Variants in CSMD1 observed in about 807,000 individuals in gnomAD.
CSMD1 encodes the protein CUB and Sushi multiple domains 1.
CSMD1 carries 213 observed loss-of-function variants against 417.5 expected under a neutral mutation model. That is an observed-to-expected ratio of 0.51 (90% CI 0.46 to 0.57). CSMD1 has a LOEUF of 0.57. CSMD1 is among the 20% of genes least tolerant of loss of function. The pLI, the probability that CSMD1 is intolerant of heterozygous loss-of-function variation, is 0.00. For missense variants in CSMD1, 6,923 were observed against 4,529.7 expected (o/e 1.53, Z -15.17); for synonymous variants, 2,862 against 1,736.8 (o/e 1.65, Z -16.11).
intron 12 of CSMD1, among the ~76,000 whole-genome samples, chr8:3,459,707 A>C (rs1333929096): frequency 6.6e-6 from 1 of 152,104 alleles, no homozygotes; most frequent in Admixed American, 6.5e-5. Context: ...TTGGGTTCCG[A>C]AAGGTCATCA....
chr8:3,265,115 G>T (rs1801340524), intron 26 of CSMD1, among the ~76,000 whole-genome samples: 1 of 152,062 alleles, frequency 6.6e-6, no homozygotes, highest in African/African-American at 2.4e-5. Flanking sequence ...ACCATGTTAA[G>T]GATTGTCACT....
At chr8:3,207,574 T>A (rs774140417) in intron 30 of CSMD1, among the ~76,000 whole-genome samples, 33 of 152,266 alleles carry the variant, frequency 2.2e-4, no homozygotes, top group Non-Finnish European at 2.9e-5. Flanking sequence ...TTAAGCTCCT[T>A]AGAATATGGT....
intron 40 of CSMD1, among the ~76,000 whole-genome samples, chr8:3,146,336 G>A (rs1479753301): frequency 6.6e-6 from 1 of 152,064 alleles, no homozygotes; most frequent in African/African-American, 2.4e-5. Flanking sequence ...CTGTGAAAAG[G>A]AAAGAAAATG....
At chr8:4,753,789 G>A (rs1056258993) in intron 1 of CSMD1, among the ~76,000 whole-genome samples, 2 of 152,086 alleles carry the variant, frequency 1.3e-5, no homozygotes, top group South Asian at 2.1e-4. Context: ...CCCCACCACT[G>A]CCTCCTCCTT....
intron 5 of CSMD1, chr8:3,949,864 C>T (rs979179693): frequency 1.8e-5 from 8 of 455,198 alleles, no homozygotes; most frequent in African/African-American, 1.6e-4. Context: ...GGGACATGGC[C>T]TCCTCATTCA....
chr8:4,717,673 G>T (rs1215700011), intron 1 of CSMD1, among the ~76,000 whole-genome samples: 5 of 151,916 alleles, frequency 3.3e-5, no homozygotes, highest in Non-Finnish European at 5.9e-5. Flanking sequence ...GGAATTTACA[G>T]AACTGTGATT....
At chr8:3,612,906 A>G (rs1397024933) in intron 8 of CSMD1, among the ~76,000 whole-genome samples, 1 of 152,092 alleles carries the variant, frequency 6.6e-6, no homozygotes, top group East Asian at 1.9e-4. Context: ...TAGTAAACAG[A>G]GGAAATAAAT....
At chr8:3,708,779 G>C (rs1330217815) in intron 6 of CSMD1, among the ~76,000 whole-genome samples, 1 of 152,138 alleles carries the variant, frequency 6.6e-6, no homozygotes. Context: ...ACTAGGAGTG[G>C]CAGATTCCAC....
intron 10 of CSMD1, among the ~76,000 whole-genome samples, chr8:3,562,415 CAA>C (rs1799509131): frequency 1.4e-5 from 2 of 138,976 alleles, no homozygotes; most frequent in African/African-American, 5.5e-5. Context: ...CACACATGCA[CAA>C]ACACACATGC....
intron 2 of CSMD1, among the ~76,000 whole-genome samples, chr8:4,453,146 G>A (rs556520382): frequency 1.4e-4 from 21 of 151,472 alleles, no homozygotes; most frequent in Non-Finnish European, 3.1e-4. Flanking sequence ...CCAATTTGAG[G>A]CAAATATGGC....
chr8:3,050,302 C>A (rs1421321689), intron 50 of CSMD1, among the ~76,000 whole-genome samples: 1 of 152,120 alleles, frequency 6.6e-6, no homozygotes, highest in African/African-American at 2.4e-5. Context: ...AACTTCAAAT[C>A]TGCAAATTAG....
intron 3 of CSMD1, among the ~76,000 whole-genome samples, chr8:4,220,561 G>C (rs148794503): frequency 6.6e-6 from 1 of 152,226 alleles, no homozygotes; most frequent in Admixed American, 6.5e-5. Context: ...TTTAGGTTTT[G>C]TGTGAAATAA....
At chr8:2,949,483 T>C in intron 67 of CSMD1, 97 bp from the exon 68 acceptor site, 2 of 572,992 alleles carry the variant, frequency 3.5e-6, no homozygotes, top group Non-Finnish European at 5.8e-6. Context: ...CTGTTATATC[T>C]CATATTTAGA....
At chr8:3,844,335 A>C (rs927640977) in intron 5 of CSMD1, among the ~76,000 whole-genome samples, 5 of 152,158 alleles carry the variant, frequency 3.3e-5, no homozygotes, top group African/African-American at 9.7e-5. Context: ...AGTCAATGAC[A>C]ATACTTCAGG....
At chr8:3,778,770 G>C (rs1051086692) in intron 5 of CSMD1, among the ~76,000 whole-genome samples, 4 of 152,080 alleles carry the variant, frequency 2.6e-5, no homozygotes, top group African/African-American at 7.2e-5. Flanking sequence ...CTTGTGATTG[G>C]GTATCATGGA....
At chr8:3,597,829 C>T (rs1457280339) in intron 8 of CSMD1, among the ~76,000 whole-genome samples, 1 of 152,032 alleles carries the variant, frequency 6.6e-6, no homozygotes. Context: ...CACACCGGGG[C>T]CTGTCGGGGG....
chr8:3,312,983 A>C (rs1472312368), intron 23 of CSMD1, among the ~76,000 whole-genome samples: 1 of 152,238 alleles, frequency 6.6e-6, no homozygotes, highest in Non-Finnish European at 1.5e-5. Flanking sequence ...TGTTTCCTAA[A>C]AATGTCAACA....
At chr8:4,182,952 G>T (rs917246679) in intron 3 of CSMD1, among the ~76,000 whole-genome samples, 11 of 152,060 alleles carry the variant, frequency 7.2e-5, no homozygotes, top group African/African-American at 2.7e-4. Flanking sequence ...GAAGATAATG[G>T]CCAATAAAGA....
chr8:4,450,456 T>A (rs1799074092), intron 2 of CSMD1, among the ~76,000 whole-genome samples: 1 of 152,064 alleles, frequency 6.6e-6, no homozygotes, highest in South Asian at 2.1e-4. Context: ...TGAAACCTCA[T>A]CTCTACTGAA....
Sources: gnomAD v4.1 joint callset for allele counts (sites outside exome capture counted in the v4.1 genomes callset) on GRCh38, gnomAD v4.1.1 for gene constraint, MANE v1.5 for transcripts, NCBI Gene and HGNC (gene_info 2026-07-23, HGNC 2026-07-21) for gene names.